Variants in PCDHA6 observed in about 807,000 individuals in gnomAD.
The protein encoded by PCDHA6 is protocadherin alpha 6, also known as protocadherin alpha-6.
Under a neutral mutation model 60.3 loss-of-function variants are expected in PCDHA6, and 55 were observed. That is an observed-to-expected ratio of 0.91 (90% CI 0.73 to 1.14). PCDHA6 has a LOEUF of 1.14. PCDHA6 is among the 50% of genes most tolerant of loss of function. The pLI, the probability that PCDHA6 is intolerant of heterozygous loss-of-function variation, is 0.00. For missense variants in PCDHA6, 1,327 were observed against 1,256.5 expected (o/e 1.06, Z -0.85); for synonymous variants, 652 against 557.9 (o/e 1.17, Z -2.38).
At chr5:140,969,139 C>T (rs1407003944) in intron 1 of PCDHA6, 5 of 1,614,064 alleles carry the variant, frequency 3.1e-6, no homozygotes, top group Non-Finnish European at 4.2e-6. Context: ...CCAAGACCTA[C>T]TGCTACAAGG....
chr5:140,977,314 C>T (rs905353961), intron 1 of PCDHA6, among the ~76,000 whole-genome samples: 1 of 152,152 alleles, frequency 6.6e-6, no homozygotes, highest in Non-Finnish European at 1.5e-5. Context: ...AACGATAGTG[C>T]TCCTGATGGC....
At chr5:140,903,370 G>A (rs1185137848) in intron 1 of PCDHA6, among the ~76,000 whole-genome samples, 8 of 152,136 alleles carry the variant, frequency 5.3e-5, no homozygotes, top group African/African-American at 1.9e-4. Flanking sequence ...AAAAATATAG[G>A]GAGGATTGTG....
intron 1 of PCDHA6, chr5:140,834,324 A>G: frequency 6.9e-7 from 1 of 1,445,086 alleles, no homozygotes; most frequent in Non-Finnish European, 9.4e-7. Context: ...AGGGATAAAA[A>G]CATTCCTATA....
intron 1 of PCDHA6, among the ~76,000 whole-genome samples, chr5:140,960,713 A>C (rs1272219565): frequency 6.6e-6 from 1 of 150,862 alleles, no homozygotes; most frequent in Non-Finnish European, 1.5e-5. Context: ...CCAAATACTC[A>C]TCTTATTTTA....
At chr5:140,880,349 TGAATTTA>T in intron 1 of PCDHA6, among the ~76,000 whole-genome samples, 1 of 152,224 alleles carries the variant, frequency 6.6e-6, no homozygotes, top group East Asian at 1.9e-4. Flanking sequence ...AGGCAGCAGG[TGAATTTA>T]GATGAAAACC....
intron 1 of PCDHA6, chr5:140,841,814 A>G: frequency 6.2e-7 from 1 of 1,613,908 alleles, no homozygotes; most frequent in Non-Finnish European, 8.5e-7. Context: ...TGTTGGAGCT[A>G]ACTCCGTGTT....
chr5:140,979,053 T>A (rs1429544807), intron 2 of PCDHA6, 46 bp downstream of exon 2: 3 of 1,610,104 alleles, frequency 1.9e-6, no homozygotes, highest in Admixed American at 3.4e-5. Context: ...CTTAACTTGG[T>A]ATGGCTCAGA....
At chr5:140,846,890 G>A (rs1554141524) in intron 1 of PCDHA6, among the ~76,000 whole-genome samples, 3 of 149,570 alleles carry the variant, frequency 2.0e-5, no homozygotes, top group South Asian at 2.1e-4. Context: ...TCAGAATGAC[G>A]TTGAAGTTGA....
At chr5:140,924,911 TAAAATA>T (rs1563069196) in intron 1 of PCDHA6, among the ~76,000 whole-genome samples, 7 of 59,704 alleles carry the variant, frequency 1.2e-4, no homozygotes, top group Non-Finnish European at 2.5e-4. Flanking sequence ...AAAAATAAAA[TAAAATA>T]AAATAAAATA....
chr5:140,922,799 A>T (rs1188093750), intron 1 of PCDHA6, among the ~76,000 whole-genome samples: 1 of 152,264 alleles, frequency 6.6e-6, no homozygotes, highest in Non-Finnish European at 1.5e-5. Context: ...GCTTTGGAAT[A>T]CAGAAAAAGG....
chr5:140,838,261 C>T (rs2150150705), intron 1 of PCDHA6, among the ~76,000 whole-genome samples: 1 of 147,022 alleles, frequency 6.8e-6, no homozygotes, highest in African/African-American at 2.5e-5. Context: ...TTAAAGACGC[C>T]AACAACCAAG....
At chr5:140,882,259 G>A (rs1554173247) in intron 1 of PCDHA6, 1 of 1,603,126 alleles carries the variant, frequency 6.2e-7, no homozygotes, top group Non-Finnish European at 8.5e-7. Flanking sequence ...TGAGGTTTTT[G>A]GAGTGTACCA....
intron 3 of PCDHA6, among the ~76,000 whole-genome samples, chr5:140,992,500 A>C (rs1205902091): frequency 6.6e-6 from 1 of 152,222 alleles, no homozygotes; most frequent in Non-Finnish European, 1.5e-5. Context: ...GTAAGGATTC[A>C]ATCCTGGGGC....
intron 1 of PCDHA6, among the ~76,000 whole-genome samples, chr5:140,924,976 C>T (rs1376073492): frequency 6.6e-6 from 1 of 151,048 alleles, no homozygotes; most frequent in Non-Finnish European, 1.5e-5. Context: ...TGCAGTGGCT[C>T]ATGTCTGTAA....
chr5:140,882,357 A>G lies in PCDHA6; in HGVS notation c.2394+51872A>G, dbSNP rs1010659037. On this transcript the variant is annotated intron_variant, in intron 1 of 3. Transcript: ENST00000529310. Reference sequence around the variant, plus strand: ...GCAGCCTGGGAGACGGGTAGTGGCCAGCTCCACTACTCCGTCCCCGAGGAA... The same window carrying G: ...GCAGCCTGGGAGACGGGTAGTGGCCGGCTCCACTACTCCGTCCCCGAGGAA... 22 of 1,614,084 alleles carry G rather than the reference A, an allele frequency of 1.4e-5. No individual in the cohort carries two copies. In the Admixed American group the frequency reaches 2.5e-4, roughly 18 times the overall value.
intron 1 of PCDHA6, chr5:140,877,939 A>G (rs2057403639): frequency 7.2e-7 from 1 of 1,379,672 alleles, no homozygotes. Context: ...TCTATCCTTT[A>G]AACTATCGAA....
intron 1 of PCDHA6, among the ~76,000 whole-genome samples, chr5:140,889,903 A>G (rs2062424264): frequency 6.6e-6 from 1 of 152,126 alleles, no homozygotes; most frequent in African/African-American, 2.4e-5. Flanking sequence ...CTACCTTGAG[A>G]TTGTCATACT....
intron 3 of PCDHA6, among the ~76,000 whole-genome samples, chr5:140,990,006 G>T (rs1249732911): frequency 1.3e-5 from 2 of 152,116 alleles, no homozygotes; most frequent in Non-Finnish European, 2.9e-5. Flanking sequence ...ATCTCCAAGG[G>T]CGTGGGCTAG....
At position 141,010,104 on chromosome 5, in the gene PCDHA6, T is replaced by G; in HGVS notation, c.*167T>G. ...TGTCTAGAACGCATTTAACAGGTTTTGTCGTAAAAGCTTTACTAAGTCTGG... is the reference window on the plus strand; with the variant it reads ...TGTCTAGAACGCATTTAACAGGTTTGGTCGTAAAAGCTTTACTAAGTCTGG... On this transcript the variant is annotated 3_prime_UTR_variant, in exon 4 of 4. Coordinates refer to ENST00000529310, the MANE Select transcript of PCDHA6 (RefSeq NM_018909.4). 1 of 1,612,408 alleles carries G rather than the reference T, an allele frequency of 6.2e-7. No individual in the cohort carries two copies. Among genetic ancestry groups the G allele is most frequent in the Non-Finnish European group, 8.5e-7 (1 of 1,179,092 alleles).
Sources: gnomAD v4.1 joint callset for allele counts (sites outside exome capture counted in the v4.1 genomes callset) on GRCh38, gnomAD v4.1.1 for gene constraint, MANE v1.5 for transcripts, NCBI Gene and HGNC (gene_info 2026-07-23, HGNC 2026-07-21) for gene names.